Variants in ABLIM2 observed in about 807,000 individuals in gnomAD.
ABLIM2 encodes the protein actin binding LIM protein family member 2.
A neutral mutation model predicts 97.7 loss-of-function variants in ABLIM2; 53 were observed. The ratio of observed to expected loss-of-function variants is 0.54; its 90% CI spans 0.44 to 0.68. The LOEUF (loss-of-function observed/expected upper bound fraction) is 0.68, where lower values mean the gene tolerates loss of function less well. Ranked by LOEUF, ABLIM2 falls within the 30% of genes least tolerant of loss-of-function variation. The probability of loss-of-function intolerance (pLI) is 0.00; values close to 1 mark genes in which losing one functional copy is unlikely to be tolerated. For missense variants in ABLIM2, 835 were observed against 867.2 expected (o/e 0.96, Z 0.47); for synonymous variants, 361 against 345.8 (o/e 1.04, Z -0.49).
intron 6 of ABLIM2, among the ~76,000 whole-genome samples, chr4:8,066,063 A>G (rs548680915): frequency 7.3e-5 from 11 of 150,064 alleles, no homozygotes; most frequent in African/African-American, 2.7e-4. Flanking sequence ...GCACTTTGGG[A>G]GGCTGAGGCG....
At chr4:8,156,914 G>A (rs575097108) in intron 1 of ABLIM2, among the ~76,000 whole-genome samples, 8 of 152,330 alleles carry the variant, frequency 5.3e-5, no homozygotes, top group Non-Finnish European at 8.8e-5. Flanking sequence ...GGGCAGGGGC[G>A]ACAGGTGGCC....
rs965020917 is a variant in ABLIM2, at chr4:8,147,729, C to T, written c.10+10951G>A. On this transcript the variant is annotated intron_variant, in intron 1 of 20. Coordinates refer to ENST00000447017, the MANE Select transcript of ABLIM2 (RefSeq NM_001130083.2). The surrounding 1 kb of genome is among the most constrained non-coding windows in gnomAD (Gnocchi z 5.3). Reference sequence around the variant, plus strand: ...CCTGAGCCCCCGAGGGAGCTGCCAGCGCCGTTTAGCCTCGGACACTGACAT... The same window carrying T: ...CCTGAGCCCCCGAGGGAGCTGCCAGTGCCGTTTAGCCTCGGACACTGACAT... Among the ~76,000 whole-genome samples, 13 of 152,196 alleles carry T rather than the reference C, an allele frequency of 8.5e-5. No individual in the cohort carries two copies. The highest frequency in any genetic ancestry group is 2.4e-4 in the African/African-American group (10 of 41,436).
chr4:7,983,185 C>A lies in ABLIM2; in HGVS notation c.1824+79G>T, dbSNP rs1221490176. 24 of 1,474,372 alleles carry A rather than the reference C, an allele frequency of 1.6e-5. No individual in the cohort carries two copies. In the East Asian group the frequency reaches 5.6e-4, roughly 35 times the overall value. 91.3% of individuals were successfully genotyped at this position (1,474,372 alleles called of 1,614,324 possible). A position where few individuals can be genotyped will look rare whatever the true frequency, so the allele number is the denominator to read the frequency against. On this transcript the variant is annotated intron_variant, in intron 20 of 20. Transcript: ENST00000447017. ...CCCACGGTGGCCCCTTGGGCAACGACCTTGACACCACGGAGGAGGCATCTG... is the reference window on the plus strand; with the variant it reads ...CCCACGGTGGCCCCTTGGGCAACGAACTTGACACCACGGAGGAGGCATCTG...
chr4:8,062,394 C>T (rs556994488), intron 6 of ABLIM2, among the ~76,000 whole-genome samples: 44 of 152,226 alleles, frequency 2.9e-4, no homozygotes, highest in Non-Finnish European at 5.3e-4. Context: ...ACAATCATTT[C>T]GCTGATCACA....
chr4:8,137,527 A>G (rs1003767788), intron 1 of ABLIM2, among the ~76,000 whole-genome samples: 3 of 152,204 alleles, frequency 2.0e-5, no homozygotes, highest in Admixed American at 2.0e-4. Flanking sequence ...GGGCTGGGGA[A>G]GGGCCTGGCC....
chr4:8,030,748 A>G (rs1780451328), intron 10 of ABLIM2, among the ~76,000 whole-genome samples: 2 of 152,116 alleles, frequency 1.3e-5, no homozygotes, highest in African/African-American at 4.8e-5. Context: ...AGCCCTGTCC[A>G]CCTTACAGGT....
Position 8,139,497 on chromosome 4 carries a change from A to G in ABLIM2, c.10+19183T>C, listed in dbSNP as rs112468739. On this transcript the variant is annotated intron_variant, in intron 1 of 20. Transcript: ENST00000447017. ...ATTTACACAGCCAACAAACATATGA[A>G]AAAAGCTCAACGTCAATGATCATTA... 2.6e-3 allele frequency among the ~76,000 whole-genome samples: 403 copies of G among 152,372 alleles called. 2 individuals carry two copies. The highest frequency in any genetic ancestry group is 8.8e-3 in the African/African-American group (364 of 41,592).
At chr4:8,144,906 G>A (rs1851546170) in intron 1 of ABLIM2, among the ~76,000 whole-genome samples, 1 of 152,208 alleles carries the variant, frequency 6.6e-6, no homozygotes, top group Admixed American at 6.5e-5. Context: ...TTCCCTATTG[G>A]CCTGAGAATT....
intron 9 of ABLIM2, among the ~76,000 whole-genome samples, chr4:8,039,268 C>T (rs531214462): frequency 5.9e-5 from 9 of 152,284 alleles, no homozygotes; most frequent in Middle Eastern, 6.8e-3. Context: ...CACCTCCGTC[C>T]CCTCCAAGCA....
intron 14 of ABLIM2, among the ~76,000 whole-genome samples, chr4:8,017,616 A>G (rs1770393605): frequency 6.6e-6 from 1 of 152,156 alleles, no homozygotes; most frequent in Non-Finnish European, 1.5e-5. Flanking sequence ...TGATAAAAGA[A>G]TTTTGGTCCT....
intron 10 of ABLIM2, among the ~76,000 whole-genome samples, chr4:8,031,456 C>T (rs1780861487): frequency 6.6e-6 from 1 of 152,218 alleles, no homozygotes; most frequent in Non-Finnish European, 1.5e-5. Flanking sequence ...GTCACCGGTA[C>T]ATAGGAATCA....
rs1473129890 is a variant in ABLIM2, at chr4:7,966,236, C to A, written c.*754G>T. On this transcript the variant is annotated 3_prime_UTR_variant, in exon 21 of 21. Coordinates refer to ENST00000447017, the MANE Select transcript of ABLIM2 (RefSeq NM_001130083.2). ...GTGGAGAATAAGGCTGGAGGCCGCT[C>A]CCCTGCGGAGGGACCGTAAAATTAA... 2.0e-5 allele frequency: 3 copies of A among 152,666 alleles called. No homozygotes were observed. The highest frequency in any genetic ancestry group is 4.8e-5 in the African/African-American group (2 of 41,468). The allele number at this position is 152,666 out of a possible 1,614,324, so 9.5% of individuals were successfully genotyped here. A position where few individuals can be genotyped will look rare whatever the true frequency, so the allele number is the denominator to read the frequency against.
intron 8 of ABLIM2, among the ~76,000 whole-genome samples, chr4:8,048,464 C>A (rs1412810324): frequency 6.6e-6 from 1 of 152,142 alleles, no homozygotes; most frequent in Non-Finnish European, 1.5e-5. Context: ...TCTGACCCCT[C>A]TCATCTCCAT....
chr4:7,972,559 G>A (rs978331733), intron 20 of ABLIM2, among the ~76,000 whole-genome samples: 1 of 152,198 alleles, frequency 6.6e-6, no homozygotes, highest in African/African-American at 2.4e-5. Flanking sequence ...CAAGATGTCT[G>A]GTCTGCATTG....
rs190690331 is a variant in ABLIM2, at chr4:8,032,018, C to T, written c.1048-2242G>A. 3.0e-3 allele frequency among the ~76,000 whole-genome samples: 454 copies of T among 152,164 alleles called. 3 individuals are homozygous for T. Among genetic ancestry groups the T allele is most frequent in the South Asian group, 9.5e-3 (46 of 4,820 alleles). The stretch of plus-strand genomic sequence containing the variant: ...CTGGGATTACAGGTGTGAGCCACCA[C>T]GCCCAGCCTATGAAATGTTTACAAT... On this transcript the variant is annotated intron_variant, in intron 10 of 20. Transcript: ENST00000447017. The surrounding 1 kb of genome is among the most constrained non-coding windows in gnomAD (Gnocchi z 4.3).
In ABLIM2 at chr4:8,085,411, G is replaced by A. The variant is rs1822789710; in HGVS notation, c.454+2758C>T. On this transcript the variant is annotated intron_variant, in intron 4 of 20. Coordinates refer to ENST00000447017, the MANE Select transcript of ABLIM2 (RefSeq NM_001130083.2). The surrounding 1 kb of genome is among the most constrained non-coding windows in gnomAD (Gnocchi z 6.1). ...GTGGCTTTGGAGGAAGCTGCCATCTGGTGTTGGTGTCTCAGTGCCATTCCC... is the reference window on the plus strand; with the variant it reads ...GTGGCTTTGGAGGAAGCTGCCATCTAGTGTTGGTGTCTCAGTGCCATTCCC... 6.6e-6 allele frequency among the ~76,000 whole-genome samples: 1 copy of A among 152,158 alleles called. No individual in the cohort carries two copies. Among genetic ancestry groups the A allele is most frequent in the African/African-American group, 2.4e-5 (1 of 41,442 alleles).
chr4:8,130,102 A>G lies in ABLIM2; in HGVS notation c.11-23465T>C, dbSNP rs1172786968. ...GCCTGCTGTTCACCCCTAAGCATCT[A>G]GTTTATTCAAAGGCAGCCCCCAAGA... On this transcript the variant is annotated intron_variant, in intron 1 of 20. Transcript: ENST00000447017. The surrounding 1 kb of genome is among the most constrained non-coding windows in gnomAD (Gnocchi z 4.2). 6.6e-6 allele frequency among the ~76,000 whole-genome samples: 1 copy of G among 152,160 alleles called. No individual in the cohort carries two copies. Among genetic ancestry groups the G allele is most frequent in the Non-Finnish European group, 1.5e-5 (1 of 68,026 alleles).
rs187188089 is a variant in ABLIM2 at position 8,075,889 on chromosome 4, C to A, written c.675+1739G>T. On this transcript the variant is annotated intron_variant, in intron 6 of 20. Transcript: ENST00000447017. The surrounding 1 kb of genome is among the most constrained non-coding windows in gnomAD (Gnocchi z 4.4). Reference sequence around the variant, plus strand: ...CAGGGATGTTTGGGATACAACATGGCACAGATGGTTTGAGATCAACTATGA... The same window carrying A: ...CAGGGATGTTTGGGATACAACATGGAACAGATGGTTTGAGATCAACTATGA... 6.6e-6 allele frequency among the ~76,000 whole-genome samples: 1 copy of A among 152,250 alleles called. No individual in the cohort carries two copies.
At position 7,966,211 on chromosome 4, in the gene ABLIM2, G is replaced by A. The variant is rs1485578336; in HGVS notation, c.*779C>T. On this transcript the variant is annotated 3_prime_UTR_variant, in exon 21 of 21. Coordinates refer to ENST00000447017, the MANE Select transcript of ABLIM2 (RefSeq NM_001130083.2). ...GACTGAAACCACACAGATCCGAGCG[G>A]TGGAGAATAAGGCTGGAGGCCGCTC... 1 of 152,634 alleles carries A rather than the reference G, an allele frequency of 6.6e-6. No individual in the cohort carries two copies. Among genetic ancestry groups the A allele is most frequent in the Non-Finnish European group, 1.5e-5 (1 of 68,060 alleles). The allele number at this position is 152,634 out of a possible 1,614,324, so 9.5% of individuals were successfully genotyped here.
Sources: allele counts gnomAD v4.1 joint callset (sites outside exome capture counted in the v4.1 genomes callset), GRCh38; gene constraint gnomAD v4.1.1; non-coding constraint Gnocchi (gnomAD v3.1); transcripts MANE v1.5; gene names NCBI Gene and HGNC (gene_info 2026-07-23, HGNC 2026-07-21).